SAMMSON: variants seen among roughly 807,000 people sequenced by gnomAD.
SAMMSON encodes long intergenic non-protein coding RNA 1212.
chr3:70,125,071 CT>C, intron 4 of SAMMSON: 1 of 875,922 alleles, frequency 1.1e-6, no homozygotes, highest in Non-Finnish European at 1.9e-6. Context: ...ATTTTTAACA[CT>C]TTCTTTTTCC....
rs867150503 is a variant in SAMMSON, at chr3:70,427,448, T to C, written n.234-35112T>C. ...ACCTAAAAGGTGATCCTCTTAAAAA[T>C]GTCCAAAAGGGCCGGGCGCGGTGGC... On this transcript the variant is annotated intron_variant and non_coding_transcript_variant, in intron 2 of 3. Coordinates refer to the SAMMSON transcript ENST00000641053. Among the ~76,000 whole-genome samples, 39 of 152,250 alleles carry C rather than the reference T, an allele frequency of 2.6e-4. No individual in the cohort carries two copies. In the Middle Eastern group the frequency reaches 0.014, roughly 53 times the overall value.
At chr3:70,366,593 G>A (rs1702922389) in intron 9 of SAMMSON, among the ~76,000 whole-genome samples, 1 of 146,622 alleles carries the variant, frequency 6.8e-6, no homozygotes, top group Admixed American at 7.0e-5. Flanking sequence ...CTCCAATGAA[G>A]GACATCTTGG....
chr3:70,279,315 T>A (rs188389636), intron 6 of SAMMSON, among the ~76,000 whole-genome samples: 1 of 151,958 alleles, frequency 6.6e-6, no homozygotes, highest in Non-Finnish European at 1.5e-5. Flanking sequence ...CTTGAACACA[T>A]ATGGAGTGGG....
intron 2 of SAMMSON, among the ~76,000 whole-genome samples, chr3:70,409,459 T>G (rs2106767737): frequency 6.6e-6 from 1 of 151,050 alleles, no homozygotes; most frequent in African/African-American, 2.5e-5. Context: ...AGACAAAGGC[T>G]TTGCTTAAAA....
At chr3:70,280,625 C>G (rs989565662) in intron 6 of SAMMSON, among the ~76,000 whole-genome samples, 6 of 152,250 alleles carry the variant, frequency 3.9e-5, no homozygotes, top group Admixed American at 6.5e-5. Flanking sequence ...TCTTCTCTGT[C>G]CTCCTTTCTC....
At chr3:70,205,991 T>C (rs1559534694) in intron 4 of SAMMSON, 2 of 152,122 alleles carry the variant, frequency 1.3e-5, no homozygotes, top group South Asian at 2.1e-4. Context: ...CAATTTGAAA[T>C]TGGCTTTGCA....
chr3:70,073,383 C>T (rs1189265655), intron 4 of SAMMSON, among the ~76,000 whole-genome samples: 1 of 151,994 alleles, frequency 6.6e-6, no homozygotes, highest in Non-Finnish European at 1.5e-5. Context: ...TTATGGAATG[C>T]CCACTATGTG....
intron 7 of SAMMSON, among the ~76,000 whole-genome samples, chr3:70,303,512 C>A (rs1387495333): frequency 6.6e-6 from 1 of 152,144 alleles, no homozygotes; most frequent in East Asian, 1.9e-4. Context: ...TTCTCCTGAA[C>A]CTAGATTTCC....
chr3:70,220,631 G>T (rs1425146589), intron 4 of SAMMSON, among the ~76,000 whole-genome samples: 1 of 152,098 alleles, frequency 6.6e-6, no homozygotes. Flanking sequence ...GAGGTGTTTG[G>T]TCTCCCTTTA....
intron 7 of SAMMSON, among the ~76,000 whole-genome samples, chr3:70,336,604 G>A (rs1702662100): frequency 1.3e-5 from 2 of 151,912 alleles, no homozygotes; most frequent in South Asian, 2.1e-4. Flanking sequence ...TCCTACTTAT[G>A]AGCAGCTTTT....
At chr3:70,200,708 A>G (rs967221801) in intron 4 of SAMMSON, among the ~76,000 whole-genome samples, 2 of 152,216 alleles carry the variant, frequency 1.3e-5, no homozygotes, top group African/African-American at 2.4e-5. Flanking sequence ...CAAGAAAGCC[A>G]TATCTCTCTC....
chr3:70,241,626 C>A (rs187499185), intron 4 of SAMMSON, among the ~76,000 whole-genome samples: 4 of 151,980 alleles, frequency 2.6e-5, no homozygotes, highest in Non-Finnish European at 5.9e-5. Flanking sequence ...AGTACCTGAC[C>A]CAAGTTCACA....
At chr3:70,284,360 A>C (rs1407826063) in intron 6 of SAMMSON, among the ~76,000 whole-genome samples, 2 of 152,192 alleles carry the variant, frequency 1.3e-5, no homozygotes, top group Non-Finnish European at 2.9e-5. Context: ...TTTGCATTTG[A>C]GTTTTCATAT....
Position 70,244,130 on chromosome 3 carries a change from A to C in SAMMSON, n.508-4977A>C, listed in dbSNP as rs1190892212. On this transcript the variant is annotated intron_variant and non_coding_transcript_variant, in intron 4 of 9. Coordinates refer to ENST00000642114, the Ensembl canonical transcript of SAMMSON. The stretch of plus-strand genomic sequence containing the variant: ...CCCCCACTGGTTTTCTTTGGCTCAA[A>C]TGGGAACAAGGTGCCCATTATTTCT... Among the ~76,000 whole-genome samples, 3 of 152,160 alleles carry C rather than the reference A, an allele frequency of 2.0e-5. No individual in the cohort carries two copies. In the East Asian group the frequency reaches 5.8e-4, roughly 29 times the overall value.
intron 4 of SAMMSON, among the ~76,000 whole-genome samples, chr3:70,131,191 C>T (rs1463381679): frequency 2.6e-5 from 4 of 152,162 alleles, no homozygotes; most frequent in Admixed American, 1.3e-4. Flanking sequence ...TTCTGAGTGG[C>T]TCAGCGATAT....
chr3:70,254,250 A>G (rs1046968533), intron 6 of SAMMSON, among the ~76,000 whole-genome samples: 16 of 152,180 alleles, frequency 1.1e-4, no homozygotes, highest in Admixed American at 1.3e-4. Flanking sequence ...GTTAAGTTTA[A>G]TGGATAAATT....
intron 2 of SAMMSON, among the ~76,000 whole-genome samples, chr3:70,412,074 A>C (rs905742034): frequency 6.6e-6 from 1 of 152,148 alleles, no homozygotes; most frequent in South Asian, 2.1e-4. Context: ...TTCACTTTTC[A>C]ATTTCCTTTC....
At chr3:70,070,230 C>T (rs1360671145) in intron 3 of SAMMSON, 2 of 151,918 alleles carry the variant, frequency 1.3e-5, no homozygotes, top group African/African-American at 2.4e-5. Flanking sequence ...CCAAAGTTAA[C>T]GTTTTATATA....
chr3:70,227,558 C>T (rs1417739662), intron 4 of SAMMSON, among the ~76,000 whole-genome samples: 1 of 152,060 alleles, frequency 6.6e-6, no homozygotes, highest in Non-Finnish European at 1.5e-5. Context: ...TGAAGGAAAC[C>T]AAAAATAAGA....
Sources: gnomAD v4.1 joint callset for allele counts (sites outside exome capture counted in the v4.1 genomes callset) on GRCh38, gnomAD v4.1.1 for gene constraint, MANE v1.5 for transcripts, NCBI Gene and HGNC (gene_info 2026-07-23, HGNC 2026-07-21) for gene names.